TIPIN: variants seen among roughly 807,000 people sequenced by gnomAD.
TIPIN encodes TIMELESS-interacting protein.
In TIPIN, 29 loss-of-function variants were observed where a neutral mutation model predicts 35.6. The observed-to-expected ratio is 0.82, with a 90% confidence interval of 0.61 to 1.11. The LOEUF (loss-of-function observed/expected upper bound fraction) is 1.11, where lower values mean the gene tolerates loss of function less well. TIPIN is among the 50% of genes most tolerant of loss of function. The pLI, the probability that TIPIN is intolerant of heterozygous loss-of-function variation, is 0.00. For missense variants in TIPIN, 296 were observed against 345.4 expected, an observed-to-expected ratio of 0.86 and a Z score of 1.13; for synonymous variants, 102 against 121.5, an observed-to-expected ratio of 0.84 and a Z score of 1.06.
intron 1 of TIPIN, among the ~76,000 whole-genome samples, chr15:66,376,023 C>T (rs2093295525): frequency 6.6e-6 from 1 of 152,030 alleles, no homozygotes; most frequent in African/African-American, 2.4e-5. Flanking sequence ...ATCACTGATC[C>T]CAGGAGTTCA....
At chr15:66,350,344 G>A (rs112186720) in intron 4 of TIPIN, among the ~76,000 whole-genome samples, 389 of 152,180 alleles carry the variant, frequency 2.6e-3, no homozygotes, top group African/African-American at 8.6e-3. Context: ...AGTGTCTCAC[G>A]CCTGTAATCC....
chr15:66,353,071 A>C, intron 1 of TIPIN, 116 bp from the exon 2 acceptor site: 3 of 985,286 alleles, frequency 3.0e-6, no homozygotes, highest in Non-Finnish European at 4.3e-6. Context: ...TTTCAAACTC[A>C]CACATCATGA....
intron 1 of TIPIN, among the ~76,000 whole-genome samples, chr15:66,367,734 T>C (rs564013845): frequency 1.3e-5 from 2 of 151,838 alleles, no homozygotes; most frequent in Non-Finnish European, 2.9e-5. Context: ...CAATTTTTTA[T>C]GTTTTTTTTC....
Position 66,356,677 on chromosome 15 carries a change from G to A in TIPIN, c.-47C>T. ...CACGGGACACAGCGCGGACCTCGGC[G>A]TGCAGACTAAGCGCGCTTCTCGCGA... On this transcript the variant is annotated 5_prime_UTR_variant, in exon 1 of 8. It adds an upstream start codon to the 5' untranslated region. Coordinates refer to ENST00000261881, the MANE Select transcript of TIPIN (RefSeq NM_017858.3). The A allele has an allele frequency of 2.0e-6, 2 of 985,646 alleles. No individual in the cohort carries two copies. The highest frequency in any genetic ancestry group is 2.4e-6 in the Non-Finnish European group (2 of 830,094). 61.1% of individuals were successfully genotyped at this position (985,646 alleles called of 1,614,324 possible).
At chr15:66,372,303 C>T (rs1292734379) in intron 1 of TIPIN, among the ~76,000 whole-genome samples, 5 of 152,172 alleles carry the variant, frequency 3.3e-5, no homozygotes, top group South Asian at 2.1e-4. Flanking sequence ...AGGTTTTGAA[C>T]TTTATATGAA....
At chr15:66,356,618 G>A in intron 1 of TIPIN, 21 bp downstream of exon 1, 2 of 980,314 alleles carry the variant, frequency 2.0e-6, no homozygotes, top group Non-Finnish European at 2.4e-6. Context: ...GAACTTCATT[G>A]GCCCGCCAGC....
At chr15:66,340,821 T>G (rs534226383) in intron 7 of TIPIN, among the ~76,000 whole-genome samples, 17 of 152,122 alleles carry the variant, frequency 1.1e-4, no homozygotes, top group African/African-American at 3.9e-4. Flanking sequence ...GGTCTTGAAC[T>G]CCTGACCTCA....
At chr15:66,353,097 C>T in intron 1 of TIPIN, 142 bp from the exon 2 acceptor site, 2 of 741,618 alleles carry the variant, frequency 2.7e-6, no homozygotes, top group Non-Finnish European at 4.0e-6. Flanking sequence ...AGAGAAGATA[C>T]TAATTATGAA....
In TIPIN at chr15:66,352,177, G is replaced by A. The variant is rs115121189; in HGVS notation, c.164C>T (p.Pro55Leu). Residue 55 changes from proline (P) to leucine (L), a missense_variant, in exon 3 of 8, where the codon CCT (proline) becomes CTT (leucine). Physicochemically the swap from Pro to Leu is moderately conservative, Grantham distance 98. Transcript: ENST00000261881. The stretch of plus-strand genomic sequence containing the variant: ...ATTTCTTTTAACTGTTCTCTTTGGA[G>A]GTACACGAACAGGTGCTCCATTTCC... ...ESGNGAPVRV[P>L]PKRTVKRNIP... 814 of 1,610,642 alleles carry A rather than the reference G, an allele frequency of 5.1e-4. 3 individuals carry two copies. In the African/African-American group the frequency reaches 9.6e-3, roughly 19 times the overall value.
Position 66,336,702 on chromosome 15 carries a change from A to T in TIPIN, c.*256T>A. The T allele has an allele frequency of 4.8e-6, 2 of 415,742 alleles. No individual in the cohort carries two copies. Among genetic ancestry groups the T allele is most frequent in the Non-Finnish European group, 8.8e-6 (2 of 226,966 alleles). 25.8% of individuals were successfully genotyped at this position (415,742 alleles called of 1,614,324 possible). ...AAAACAAGGCATTCAATGACAGACC[A>T]GCAGCAGAAACTGCTTATTACCTCC... is the stretch of plus-strand genomic sequence containing the variant. On this transcript the variant is annotated 3_prime_UTR_variant, in exon 8 of 8. Transcript: ENST00000261881.
chr15:66,372,678 G>C (rs2093281817), intron 1 of TIPIN, among the ~76,000 whole-genome samples: 1 of 152,204 alleles, frequency 6.6e-6, no homozygotes, highest in Non-Finnish European at 1.5e-5. Context: ...TGCCAAGGCA[G>C]GCGGATCACG....
intron 5 of TIPIN, 32 bp downstream of exon 5, chr15:66,349,283 T>A: frequency 3.1e-6 from 5 of 1,610,108 alleles, no homozygotes; most frequent in Non-Finnish European, 4.2e-6. Context: ...ATTTAGCATG[T>A]GAATGATATT....
chr15:66,366,045 A>C (rs1029433478), intron 1 of TIPIN, among the ~76,000 whole-genome samples: 1 of 151,934 alleles, frequency 6.6e-6, no homozygotes, highest in East Asian at 1.9e-4. Flanking sequence ...AAAGAAATAT[A>C]CTGCAGCATG....
At chr15:66,355,646 G>A (rs945298947) in intron 1 of TIPIN, among the ~76,000 whole-genome samples, 8 of 152,054 alleles carry the variant, frequency 5.3e-5, no homozygotes, top group African/African-American at 1.9e-4. Flanking sequence ...AGCTACTCGG[G>A]AGGCTGAGGC....
rs1369530887 is a variant in TIPIN at position 66,352,962 on chromosome 15, G to A, written c.-8-7C>T. On this transcript the variant is annotated splice_polypyrimidine_tract_variant and splice_region_variant and intron_variant, in intron 1 of 7. Transcript: ENST00000261881. ...GGTTCTAGCATCTTTTCCTCTAGGG[G>A]AAAAAATTAAAGTTATTTGTATTCA... The A allele has an allele frequency of 3.7e-6, 6 of 1,607,366 alleles. No individual in the cohort carries two copies. Among genetic ancestry groups the A allele is most frequent in the Admixed American group, 3.4e-5 (2 of 58,314 alleles).
intron 1 of TIPIN, among the ~76,000 whole-genome samples, chr15:66,370,836 CTAAAA>C (rs2093275166): frequency 6.6e-6 from 1 of 152,096 alleles, no homozygotes; most frequent in East Asian, 1.9e-4. Flanking sequence ...GGACTTGCCA[CTAAAA>C]TAAAACTGTT....
At chr15:66,342,498 G>A (rs922972690) in intron 6 of TIPIN, among the ~76,000 whole-genome samples, 1 of 151,926 alleles carries the variant, frequency 6.6e-6, no homozygotes, top group Non-Finnish European at 1.5e-5. Context: ...CGAGAAGCTG[G>A]GATTACAGGC....
intron 1 of TIPIN, chr15:66,379,850 T>G: frequency 6.3e-7 from 1 of 1,595,180 alleles, no homozygotes; most frequent in Non-Finnish European, 8.5e-7. Context: ...TAACTGTGTG[T>G]CCCTTCAGAG....
chr15:66,381,547 C>A (rs911891334), intron 1 of TIPIN, among the ~76,000 whole-genome samples: 3 of 152,108 alleles, frequency 2.0e-5, no homozygotes, highest in African/African-American at 7.2e-5. Flanking sequence ...TTTTCTTGTC[C>A]AGTATTTCAT....
Sources: allele counts gnomAD v4.1 joint callset (sites outside exome capture counted in the v4.1 genomes callset), GRCh38; gene constraint gnomAD v4.1.1; transcripts MANE v1.5; gene names NCBI Gene and HGNC (gene_info 2026-07-23, HGNC 2026-07-21).